Variants in LRRC1 observed in about 807,000 individuals in gnomAD.
LRRC1 encodes leucine-rich repeat-containing protein 1.
Under a neutral mutation model 69.9 loss-of-function variants are expected in LRRC1, and 28 were observed. That is an observed-to-expected ratio of 0.40 (90% CI 0.30 to 0.55). The LOEUF is 0.55. LRRC1 is among the 20% of genes least tolerant of loss of function. The pLI, the probability that LRRC1 is intolerant of heterozygous loss-of-function variation, is 0.47. For synonymous variants in LRRC1, 236 were observed against 240.2 expected (o/e 0.98, Z 0.16); for missense variants, 498 against 609.0 (o/e 0.82, Z 1.92).
At position 53,896,833 on chromosome 6, in the gene LRRC1, C is replaced by T. The variant is rs199904378; in HGVS notation, c.508C>T (p.Leu170Phe). The change falls in exon 6 of 14, where the codon CTT becomes TTT. Residue 170 changes from leucine to phenylalanine, a missense_variant. Leu to Phe is a conservative substitution (Grantham distance 22). Coordinates refer to ENST00000370888, the MANE Select transcript of LRRC1 (RefSeq NM_018214.5). ...ENLLTYLPDS[L>F]TQLRRLEELD... ...TTTATTTATTTTTTAAAATAGCTCT[C>T]TTACCCAGCTGCGAAGACTAGAAGA... is the stretch of plus-strand genomic sequence containing the variant. 6.3e-7 allele frequency: 1 copy of T among 1,597,626 alleles called. No individual in the cohort carries two copies. The highest frequency in any genetic ancestry group is 1.3e-5 in the African/African-American group (1 of 74,626).
At chr6:53,850,604 T>A (rs1766095468) in intron 2 of LRRC1, among the ~76,000 whole-genome samples, 1 of 152,254 alleles carries the variant, frequency 6.6e-6, no homozygotes, top group African/African-American at 2.4e-5. Flanking sequence ...TTTCTCTTTT[T>A]ATTATATAGC....
intron 4 of LRRC1, among the ~76,000 whole-genome samples, chr6:53,891,049 A>G (rs1234007199): frequency 1.3e-5 from 2 of 152,228 alleles, no homozygotes; most frequent in Admixed American, 1.3e-4. Context: ...AATCCTAAAA[A>G]TACAGTTGGC....
chr6:53,858,361 A>T (rs751263188), intron 2 of LRRC1, among the ~76,000 whole-genome samples: 4 of 152,182 alleles, frequency 2.6e-5, no homozygotes, highest in Non-Finnish European at 5.9e-5. Context: ...TCCCACTTCC[A>T]GACTCTCCCT....
chr6:53,878,867 G>A (rs1767165620), intron 2 of LRRC1, 126 bp from the exon 3 acceptor site: 1 of 598,502 alleles, frequency 1.7e-6, no homozygotes, highest in South Asian at 2.1e-5. Context: ...TACTTTATAA[G>A]TCTAGGTCAT....
chr6:53,883,720 C>G (rs1767375570), intron 4 of LRRC1, among the ~76,000 whole-genome samples: 1 of 152,184 alleles, frequency 6.6e-6, no homozygotes, highest in African/African-American at 2.4e-5. Context: ...AAATAAAAGT[C>G]TGACTTGTCT....
chr6:53,854,883 G>A (rs1329091391), intron 2 of LRRC1, among the ~76,000 whole-genome samples: 1 of 152,186 alleles, frequency 6.6e-6, no homozygotes, highest in African/African-American at 2.4e-5. Context: ...TTAAGCACAA[G>A]TTTTTTAAAA....
In LRRC1 at chr6:53,896,840, A is replaced by T; in HGVS notation, c.515A>T (p.Gln172Leu). 6.2e-7 allele frequency: 1 copy of T among 1,601,264 alleles called. No individual in the cohort carries two copies. The highest frequency in any genetic ancestry group is 8.6e-7 in the Non-Finnish European group (1 of 1,168,700). ...LLTYLPDSLT[Q>L]LRRLEELDLG... ...ATTTTTTAAAATAGCTCTCTTACCCAGCTGCGAAGACTAGAAGAACTTGAT... is the reference window on the plus strand; with the variant it reads ...ATTTTTTAAAATAGCTCTCTTACCCTGCTGCGAAGACTAGAAGAACTTGAT... The change falls in exon 6 of 14, where the codon CAG becomes CTG. Residue 172 changes from glutamine to leucine, a missense_variant. Around this residue, in one of 3 missense-constraint regions of LRRC1, gnomAD observed 266 missense variants for 383.9 expected, o/e 0.69. Coordinates refer to ENST00000370888, the MANE Select transcript of LRRC1 (RefSeq NM_018214.5).
intron 1 of LRRC1, among the ~76,000 whole-genome samples, chr6:53,824,411 G>A (rs1343323945): frequency 1.3e-5 from 2 of 151,918 alleles, no homozygotes; most frequent in Admixed American, 1.3e-4. Context: ...TGCATAGATT[G>A]CAACAATTTT....
At chr6:53,816,107 G>A (rs1447732929) in intron 1 of LRRC1, among the ~76,000 whole-genome samples, 1 of 152,138 alleles carries the variant, frequency 6.6e-6, no homozygotes. Context: ...ACGCATGAAG[G>A]TGTGTCTAAT....
chr6:53,797,382 T>C (rs1438123403), intron 1 of LRRC1, among the ~76,000 whole-genome samples: 1 of 152,220 alleles, frequency 6.6e-6, no homozygotes, highest in Non-Finnish European at 1.5e-5. Context: ...CCCTGACTTA[T>C]TGTGTGTCTT....
At chr6:53,815,718 C>G (rs372333997) in intron 1 of LRRC1, among the ~76,000 whole-genome samples, 21 of 152,330 alleles carry the variant, frequency 1.4e-4, no homozygotes, top group Admixed American at 4.6e-4. Flanking sequence ...AGCAAGTTCT[C>G]TCTCCTCCTG....
chr6:53,923,251 A>C lies in LRRC1; in HGVS notation c.*458A>C, dbSNP rs1400313629. 6.5e-6 allele frequency: 1 copy of C among 153,292 alleles called. No individual in the cohort carries two copies. The highest frequency in any genetic ancestry group is 1.5e-5 in the Non-Finnish European group (1 of 68,578). The allele number at this position is 153,292 out of a possible 1,614,324, so 9.5% of individuals were successfully genotyped here. ...TGGCAGCTCAGATGGTGTAAATTTT[A>C]AAATTTTGTATAGGTATTTCATAAC... On this transcript the variant is annotated 3_prime_UTR_variant, in exon 14 of 14. Transcript: ENST00000370888.
intron 1 of LRRC1, among the ~76,000 whole-genome samples, chr6:53,798,160 G>A (rs1447588727): frequency 6.6e-6 from 1 of 151,604 alleles, no homozygotes; most frequent in East Asian, 2.1e-4. Flanking sequence ...CCTAAGCTAT[G>A]GACTTGATGG....
chr6:53,836,944 G>T (rs1765628333), intron 1 of LRRC1, among the ~76,000 whole-genome samples: 1 of 152,082 alleles, frequency 6.6e-6, no homozygotes, highest in African/African-American at 2.4e-5. Context: ...ATTAGTTCAG[G>T]TGATTTATTC....
chr6:53,921,141 T>C (rs1053697609), intron 13 of LRRC1, among the ~76,000 whole-genome samples: 1 of 152,126 alleles, frequency 6.6e-6, no homozygotes, highest in South Asian at 2.1e-4. Flanking sequence ...CTAATTTTTG[T>C]ATTTTTTGTA....
intron 1 of LRRC1, among the ~76,000 whole-genome samples, chr6:53,803,354 A>G (rs1764540964): frequency 6.6e-6 from 1 of 152,198 alleles, no homozygotes; most frequent in Admixed American, 6.5e-5. Flanking sequence ...GTCTAGGGCA[A>G]GTTCACCTAT....
At chr6:53,852,985 G>A (rs7745930) in intron 2 of LRRC1, among the ~76,000 whole-genome samples, 21,310 of 152,156 alleles carry the variant, frequency 0.14, 1,603 homozygotes, top group Non-Finnish European at 0.17. Context: ...CAGATTCAGC[G>A]TCTCATGAAT....
intron 3 of LRRC1, 73 bp from the exon 4 acceptor site, chr6:53,882,814 A>G (rs968285633): frequency 3.6e-6 from 3 of 838,032 alleles, no homozygotes; most frequent in Admixed American, 5.5e-5. Flanking sequence ...ATAAATCATT[A>G]TATTTATGCT....
chr6:53,834,320 A>G (rs142217698), intron 1 of LRRC1, among the ~76,000 whole-genome samples: 106 of 152,180 alleles, frequency 7.0e-4, no homozygotes, highest in Middle Eastern at 3.4e-3. Flanking sequence ...ATGTGCTCTC[A>G]CATGTAGGTT....
Sources: allele counts gnomAD v4.1 joint callset (sites outside exome capture counted in the v4.1 genomes callset), GRCh38; gene constraint gnomAD v4.1.1; regional missense constraint gnomAD v4.1.1; transcripts MANE v1.5; gene names NCBI Gene and HGNC (gene_info 2026-07-23, HGNC 2026-07-21).